The following INPP5A variants were observed in gnomAD, a reference collection of about 807,000 sequenced individuals.
INPP5A encodes inositol polyphosphate-5-phosphatase A.
Under a neutral mutation model 65.2 loss-of-function variants are expected in INPP5A, and 14 were observed. That is an observed-to-expected ratio of 0.21 (90% CI 0.14 to 0.34). The LOEUF (loss-of-function observed/expected upper bound fraction) is 0.34, where lower values mean the gene tolerates loss of function less well. Ranked by LOEUF, INPP5A falls within the 10% of genes least tolerant of loss-of-function variation. The pLI, the probability that INPP5A is intolerant of heterozygous loss-of-function variation, is 1.00. For missense variants in INPP5A, 431 were observed against 545.6 expected, an observed-to-expected ratio of 0.79 and a Z score of 2.09; for synonymous variants, 207 against 208.3, an observed-to-expected ratio of 0.99 and a Z score of 0.05.
chr10:132,628,799 C>T (rs1375322046), intron 2 of INPP5A, among the ~76,000 whole-genome samples: 4 of 152,100 alleles, frequency 2.6e-5, no homozygotes, highest in East Asian at 3.8e-4. Context: ...CAGCCCCATC[C>T]AATAGAAATG....
At chr10:132,618,754 G>A (rs1422664039) in intron 2 of INPP5A, among the ~76,000 whole-genome samples, 1 of 152,150 alleles carries the variant, frequency 6.6e-6, no homozygotes, top group African/African-American at 2.4e-5. Context: ...AGGCAAAGGG[G>A]GAGTAGCCAT....
chr10:132,756,354 G>A (rs555537391), intron 11 of INPP5A, among the ~76,000 whole-genome samples: 3 of 152,080 alleles, frequency 2.0e-5, no homozygotes, highest in Non-Finnish European at 4.4e-5. Context: ...ATGCATGTGT[G>A]TGTACACGTG....
At chr10:132,558,910 C>A (rs2071163373) in intron 1 of INPP5A, among the ~76,000 whole-genome samples, 1 of 152,218 alleles carries the variant, frequency 6.6e-6, no homozygotes, top group African/African-American at 2.4e-5. Flanking sequence ...CTGGGAGCTG[C>A]CGTTCCCTCC....
chr10:132,643,212 T>C (rs1227577364), intron 2 of INPP5A, among the ~76,000 whole-genome samples: 2 of 152,200 alleles, frequency 1.3e-5, no homozygotes, highest in African/African-American at 2.4e-5. Context: ...AATTCAACTA[T>C]TAAAGACTAA....
At chr10:132,597,028 T>C (rs1185723052) in intron 1 of INPP5A, among the ~76,000 whole-genome samples, 1 of 151,560 alleles carries the variant, frequency 6.6e-6, no homozygotes, top group Non-Finnish European at 1.5e-5. Context: ...TGTGTGCATG[T>C]GTGCATGTGT....
chr10:132,586,512 C>T (rs2071546509), intron 1 of INPP5A, among the ~76,000 whole-genome samples: 1 of 152,200 alleles, frequency 6.6e-6, no homozygotes, highest in African/African-American at 2.4e-5. Context: ...GGGAAGTGGT[C>T]AGCCGAGTGT....
At chr10:132,571,959 C>G (rs1463248602) in intron 1 of INPP5A, among the ~76,000 whole-genome samples, 2 of 152,222 alleles carry the variant, frequency 1.3e-5, no homozygotes, top group African/African-American at 2.4e-5. Context: ...CTCTGTCCCC[C>G]ACTGCTGTGC....
rs1206634561 is a variant in INPP5A at position 132,675,238 on chromosome 10, G to A, written c.307-15154G>A. ...TCCTGTTCCTGCAGAAATGGTAACC[G>A]CAGGGGACGGTGCAGCCGCATCTTC... is the stretch of plus-strand genomic sequence containing the variant. On this transcript the variant is annotated intron_variant, in intron 4 of 15. Coordinates refer to ENST00000368594, the MANE Select transcript of INPP5A (RefSeq NM_005539.5). The surrounding 1 kb of genome is among the most constrained non-coding windows in gnomAD (Gnocchi z 4.2). Among the ~76,000 whole-genome samples the A allele has an allele frequency of 3.3e-5, 5 of 152,236 alleles. No individual in the cohort carries two copies. Among genetic ancestry groups the A allele is most frequent in the South Asian group, 2.1e-4 (1 of 4,836 alleles).
intron 1 of INPP5A, among the ~76,000 whole-genome samples, chr10:132,602,856 A>G (rs1447226368): frequency 6.6e-6 from 1 of 152,146 alleles, no homozygotes; most frequent in Non-Finnish European, 1.5e-5. Flanking sequence ...GGTAATCTAC[A>G]GGCACGTTCT....
Position 132,651,872 on chromosome 10 carries a change from C to T in INPP5A, c.306+1367C>T, listed in dbSNP as rs923113807. 3.3e-5 allele frequency among the ~76,000 whole-genome samples: 5 copies of T among 152,188 alleles called. No individual in the cohort carries two copies. The highest frequency in any genetic ancestry group is 1.3e-4 in the Admixed American group (2 of 15,286). ...TCCCGGGAATCCCCCGTTCGGTCTC[C>T]GACCCTCGCCCTGTCAAGCAGCTGC... On this transcript the variant is annotated intron_variant, in intron 4 of 15. Coordinates refer to ENST00000368594, the MANE Select transcript of INPP5A (RefSeq NM_005539.5). This position sits in a 1 kb window ranked among gnomAD's most constrained non-coding sequence, Gnocchi z 5.0.
rs572770869 is a variant in INPP5A, at chr10:132,765,111, A to G, written c.904-662A>G. 1.2e-3 allele frequency among the ~76,000 whole-genome samples: 175 copies of G among 144,760 alleles called. 1 individual carries two copies. Among genetic ancestry groups the G allele is most frequent in the African/African-American group, 4.4e-3 (167 of 38,176 alleles). 95.0% of individuals were successfully genotyped at this position (144,760 alleles called of 152,430 possible). A position where few individuals can be genotyped will look rare whatever the true frequency, so the allele number is the denominator to read the frequency against. On this transcript the variant is annotated intron_variant, in intron 11 of 15. Transcript: ENST00000368594. Reference sequence around the variant, plus strand: ...GCGGTGGGAGGGTGTGCGTGGTGACACTCAGGAACATGGTCGGGCCAGTCC... The same window carrying G: ...GCGGTGGGAGGGTGTGCGTGGTGACGCTCAGGAACATGGTCGGGCCAGTCC...
intron 1 of INPP5A, among the ~76,000 whole-genome samples, chr10:132,554,068 A>C (rs962916297): frequency 2.0e-5 from 3 of 149,586 alleles, no homozygotes; most frequent in African/African-American, 7.5e-5. Context: ...GGGAGGGAGG[A>C]CTGGTGAACA....
At chr10:132,701,472 A>T (rs1590936295) in intron 6 of INPP5A, among the ~76,000 whole-genome samples, 1 of 151,826 alleles carries the variant, frequency 6.6e-6, no homozygotes, top group African/African-American at 2.4e-5. Context: ...CCCTGGCCAT[A>T]CACCCTCTGC....
chr10:132,580,935 A>G (rs1256869661), intron 1 of INPP5A, among the ~76,000 whole-genome samples: 1 of 152,230 alleles, frequency 6.6e-6, no homozygotes, highest in East Asian at 1.9e-4. Context: ...TACAGATCCT[A>G]AGTACACATT....
intron 8 of INPP5A, among the ~76,000 whole-genome samples, chr10:132,726,031 C>T (rs956550764): frequency 1.4e-4 from 21 of 152,054 alleles, no homozygotes; most frequent in African/African-American, 4.1e-4. Context: ...TGACTGGAGC[C>T]GCTGAGGGGA....
intron 1 of INPP5A, among the ~76,000 whole-genome samples, chr10:132,544,382 G>A (rs2070942525): frequency 6.6e-6 from 1 of 152,228 alleles, no homozygotes; most frequent in African/African-American, 2.4e-5. Context: ...CCTGTGGTCT[G>A]CAGGTGCCCT....
At chr10:132,548,738 C>T (rs1308621785) in intron 1 of INPP5A, among the ~76,000 whole-genome samples, 3 of 150,870 alleles carry the variant, frequency 2.0e-5, no homozygotes, top group Non-Finnish European at 3.0e-5. Context: ...CTTAGCATAA[C>T]GCAGCGTTTC....
At chr10:132,742,362 C>A (rs751336728) in intron 9 of INPP5A, among the ~76,000 whole-genome samples, 1 of 152,250 alleles carries the variant, frequency 6.6e-6, no homozygotes, top group East Asian at 1.9e-4. Flanking sequence ...GGCGACACCA[C>A]GCCTTGTCCT....
chr10:132,766,188 TG>T (rs1251110372), intron 12 of INPP5A, among the ~76,000 whole-genome samples: 2 of 152,360 alleles, frequency 1.3e-5, no homozygotes, highest in African/African-American at 4.8e-5. Context: ...ATAGTGTTTT[TG>T]TGTGTGCACA....
Sources: gnomAD v4.1 joint callset for allele counts (sites outside exome capture counted in the v4.1 genomes callset) on GRCh38, gnomAD v4.1.1 for gene constraint, Gnocchi (gnomAD v3.1) non-coding constraint, MANE v1.5 for transcripts, NCBI Gene and HGNC (gene_info 2026-07-23, HGNC 2026-07-21) for gene names.